NFIC: variants seen among roughly 807,000 people sequenced by gnomAD.
NFIC encodes the protein nuclear factor 1 C-type.
A neutral mutation model predicts 54.4 loss-of-function variants in NFIC; 12 were observed. The ratio of observed to expected loss-of-function variants is 0.22; its 90% CI spans 0.14 to 0.36. NFIC has a LOEUF of 0.36. NFIC is among the 10% of genes least tolerant of loss of function. The probability of loss-of-function intolerance (pLI) is 1.00; values close to 1 mark genes in which losing one functional copy is unlikely to be tolerated. For synonymous variants in NFIC, 322 were observed against 319.2 expected (o/e 1.01, Z -0.09); for missense variants, 575 against 718.2 (o/e 0.80, Z 2.28).
intron 1 of NFIC, among the ~76,000 whole-genome samples, chr19:3,380,801 T>C (rs541846297): frequency 2.0e-5 from 3 of 152,060 alleles, no homozygotes; most frequent in Admixed American, 2.0e-4. Context: ...CTGGCTAATT[T>C]TTGTTTTTTT....
In NFIC at chr19:3,467,633, C is replaced by G. The variant is rs2082732752; in HGVS notation, c.*4864C>G. On this transcript the variant is annotated 3_prime_UTR_variant, in exon 11 of 11. Coordinates refer to ENST00000443272, the MANE Select transcript of NFIC (RefSeq NM_001245002.2). ...CAGACTTGGCTGCACCCCACTGTCCCTTGCAAGACAGGTTCTGGAGCCAGG... is the reference window on the plus strand; with the variant it reads ...CAGACTTGGCTGCACCCCACTGTCCGTTGCAAGACAGGTTCTGGAGCCAGG... The G allele has an allele frequency of 6.6e-6, 1 of 151,180 alleles. No individual in the cohort carries two copies. Among genetic ancestry groups the G allele is most frequent in the South Asian group, 2.1e-4 (1 of 4,786 alleles). 9.4% of individuals were successfully genotyped at this position (151,180 alleles called of 1,614,324 possible).
chr19:3,452,464 T>C lies in NFIC; in HGVS notation c.1085-18T>C. On this transcript the variant is annotated intron_variant, in intron 7 of 10. Coordinates refer to ENST00000443272, the MANE Select transcript of NFIC (RefSeq NM_001245002.2). This position sits in a 1 kb window ranked among gnomAD's most constrained non-coding sequence, Gnocchi z 5.3. ...GCTGGAGCCCCCAAGTAACCCCCGCTTCCCACTGTCTCCGCAGGGATCGCC... is the reference window on the plus strand; with the variant it reads ...GCTGGAGCCCCCAAGTAACCCCCGCCTCCCACTGTCTCCGCAGGGATCGCC... 5 of 1,609,292 alleles carry C rather than the reference T, an allele frequency of 3.1e-6. No individual in the cohort carries two copies. The highest frequency in any genetic ancestry group is 4.2e-6 in the Non-Finnish European group (5 of 1,179,732).
intron 2 of NFIC, among the ~76,000 whole-genome samples, chr19:3,414,095 G>C (rs2081810051): frequency 6.6e-6 from 1 of 152,082 alleles, no homozygotes; most frequent in African/African-American, 2.4e-5. Flanking sequence ...TCAAAGGAAA[G>C]AACTAATGGC....
upstream of NFIC, among the ~76,000 whole-genome samples, chr19:3,365,249 A>G (rs144300774): frequency 3.3e-4 from 50 of 152,276 alleles, no homozygotes; most frequent in African/African-American, 1.2e-3. Context: ...AGAGGGTATC[A>G]TTTGTCCTTG....
chr19:3,452,791 C>T lies in NFIC; in HGVS notation c.1269+125C>T. 1 of 1,184,770 alleles carries T rather than the reference C, an allele frequency of 8.4e-7. No homozygotes were observed. Among genetic ancestry groups the T allele is most frequent in the African/African-American group, 1.6e-5 (1 of 64,296 alleles). The allele number at this position is 1,184,770 out of a possible 1,614,324, so 73.4% of individuals were successfully genotyped here. A position where few individuals can be genotyped will look rare whatever the true frequency, so the allele number is the denominator to read the frequency against. On this transcript the variant is annotated intron_variant, in intron 8 of 10. Transcript: ENST00000443272. The surrounding 1 kb of genome is among the most constrained non-coding windows in gnomAD (Gnocchi z 5.3). Reference sequence around the variant, plus strand: ...TCTTGAGGACTTGGCTCTGAAGTCCCCTCCTCTGTCGTGCTGGGAGGCAGC... The same window carrying T: ...TCTTGAGGACTTGGCTCTGAAGTCCTCTCCTCTGTCGTGCTGGGAGGCAGC...
At position 3,465,421 on chromosome 19, in the gene NFIC, G is replaced by A. The variant is rs1284467638; in HGVS notation, c.*2652G>A. ...AAAAAATAAAATAAAAAATAAGAAA[G>A]TGAGAATCTAAAAAAAAAAAAAAAA... On this transcript the variant is annotated 3_prime_UTR_variant, in exon 11 of 11. Transcript: ENST00000443272. 3 of 91,654 alleles carry A rather than the reference G, an allele frequency of 3.3e-5. No homozygotes were observed. Among genetic ancestry groups the A allele is most frequent in the African/African-American group, 1.6e-4 (3 of 18,922 alleles). The allele number at this position is 91,654 out of a possible 1,614,324, so 5.7% of individuals were successfully genotyped here.
rs562535938 is a variant in NFIC, at chr19:3,413,483, C to G, written c.563-11623C>G. On this transcript the variant is annotated intron_variant, in intron 2 of 10. Transcript: ENST00000443272. Reference sequence around the variant, plus strand: ...GTGTTCTGTGAGTTTGAAGCCATTGCTGTCTAGCTTTGTGCCTCAGTTTCC... The same window carrying G: ...GTGTTCTGTGAGTTTGAAGCCATTGGTGTCTAGCTTTGTGCCTCAGTTTCC... Among the ~76,000 whole-genome samples the G allele has an allele frequency of 3.9e-5, 6 of 152,258 alleles. No individual in the cohort carries two copies. In the East Asian group the frequency reaches 1.2e-3, roughly 29 times the overall value.
At chr19:3,447,298 CAAA>C (rs1178839836) in intron 6 of NFIC, among the ~76,000 whole-genome samples, 10 of 78,048 alleles carry the variant, frequency 1.3e-4, no homozygotes, top group Admixed American at 1.5e-4. Context: ...GACTCTATCT[CAAA>C]AAAAAAAAAA....
chr19:3,416,956 T>C lies in NFIC; in HGVS notation c.563-8150T>C, dbSNP rs2081866565. Among the ~76,000 whole-genome samples, 4 of 150,450 alleles carry C rather than the reference T, an allele frequency of 2.7e-5. No homozygotes were observed. The South Asian group carries it at 6.3e-4, about 24-fold the overall frequency. On this transcript the variant is annotated intron_variant, in intron 2 of 10. Coordinates refer to ENST00000443272, the MANE Select transcript of NFIC (RefSeq NM_001245002.2). ...TGGAGTGCAGTGGCGCGATCTCGGC[T>C]CACTGCAAGCTCCGCCTGCCGGGTT...
rs964908349 is a variant in NFIC, at chr19:3,458,794, G to A, written c.1509+2159G>A. Reference sequence around the variant, plus strand: ...ATAGAAGGGTTTAGAGGGAGGGAGTGGACACCCACCAGGCCTGGGAGTCAG... The same window carrying A: ...ATAGAAGGGTTTAGAGGGAGGGAGTAGACACCCACCAGGCCTGGGAGTCAG... On this transcript the variant is annotated intron_variant, in intron 10 of 10. Transcript: ENST00000443272. The surrounding 1 kb of genome is among the most constrained non-coding windows in gnomAD (Gnocchi z 4.1). Among the ~76,000 whole-genome samples, 21 of 152,084 alleles carry A rather than the reference G, an allele frequency of 1.4e-4. No individual in the cohort carries two copies. Among genetic ancestry groups the A allele is most frequent in the East Asian group, 3.9e-4 (2 of 5,174 alleles).
Position 3,462,788 on chromosome 19 carries a change from G to T in NFIC, c.*19G>T, listed in dbSNP as rs1350200441. The T allele has an allele frequency of 5.6e-6, 9 of 1,613,452 alleles. No homozygotes were observed. Among genetic ancestry groups the T allele is most frequent in the Non-Finnish European group, 7.6e-6 (9 of 1,179,932 alleles). On this transcript the variant is annotated 3_prime_UTR_variant, in exon 11 of 11. Transcript: ENST00000443272. ...GGGATAGCAAAGGTCTTCTTCCCTC[G>T]CCCCTTCTCCATCGTCCCAGGAATC...
In NFIC at chr19:3,459,652, C is replaced by G. The variant is rs1203923745; in HGVS notation, c.1509+3017C>G. 6.6e-6 allele frequency among the ~76,000 whole-genome samples: 1 copy of G among 152,078 alleles called. No homozygotes were observed. Among genetic ancestry groups the G allele is most frequent in the African/African-American group, 2.4e-5 (1 of 41,416 alleles). On this transcript the variant is annotated intron_variant, in intron 10 of 10. Coordinates refer to ENST00000443272, the MANE Select transcript of NFIC (RefSeq NM_001245002.2). The surrounding 1 kb of genome is among the most constrained non-coding windows in gnomAD (Gnocchi z 4.2). The stretch of plus-strand genomic sequence containing the variant: ...CCCCATTGCTGGGGCCACAGCCAGG[C>G]AGGAAGGGGAGGGGAGGGAAGGGAG...
chr19:3,379,907 C>T (rs1425650321), intron 1 of NFIC, among the ~76,000 whole-genome samples: 1 of 152,010 alleles, frequency 6.6e-6, no homozygotes, highest in African/African-American at 2.4e-5. Context: ...GTCTTGAACT[C>T]CTGGGCTCAA....
At chr19:3,393,517 G>C (rs2081408364) in intron 2 of NFIC, among the ~76,000 whole-genome samples, 1 of 151,956 alleles carries the variant, frequency 6.6e-6, no homozygotes, top group African/African-American at 2.4e-5. Context: ...CAGGGGTCCA[G>C]GAGAAATAGA....
intron 7 of NFIC, among the ~76,000 whole-genome samples, chr19:3,451,950 C>G (rs1032362904): frequency 6.6e-6 from 1 of 152,050 alleles, no homozygotes; most frequent in African/African-American, 2.4e-5. Context: ...AACCCCATCT[C>G]TACTAAAAAT....
rs898036499 is a variant in NFIC at position 3,453,564 on chromosome 19, C to T, written c.1270-199C>T. On this transcript the variant is annotated intron_variant, in intron 8 of 10. Coordinates refer to ENST00000443272, the MANE Select transcript of NFIC (RefSeq NM_001245002.2). This position sits in a 1 kb window ranked among gnomAD's most constrained non-coding sequence, Gnocchi z 6.7. ...CAGTAGTGCCGGGCTTTGAGTGACA[C>T]CAGCAAGCGGGTGTCCCCAGGCCCC... 1.1e-4 allele frequency among the ~76,000 whole-genome samples: 17 copies of T among 152,266 alleles called. No individual in the cohort carries two copies. Among genetic ancestry groups the T allele is most frequent in the East Asian group, 5.8e-4 (3 of 5,180 alleles).
chr19:3,394,341 G>T (rs1324169230), intron 2 of NFIC, among the ~76,000 whole-genome samples: 1 of 151,912 alleles, frequency 6.6e-6, no homozygotes, highest in Non-Finnish European at 1.5e-5. Context: ...TTAGCCAGGC[G>T]TGGTGGCGTG....
intron 2 of NFIC, among the ~76,000 whole-genome samples, chr19:3,402,979 A>G (rs2081581027): frequency 6.6e-6 from 1 of 152,146 alleles, no homozygotes; most frequent in African/African-American, 2.4e-5. Flanking sequence ...AAATCTCTTA[A>G]TGTTCCTCAC....
rs917369611 is a variant in NFIC at position 3,458,257 on chromosome 19, C to T, written c.1509+1622C>T. Reference sequence around the variant, plus strand: ...GGCCCCCTATGGCCAACCTCTCCCCCGCCTGGTGCTGATGGAGCCCGGCAT... The same window carrying T: ...GGCCCCCTATGGCCAACCTCTCCCCTGCCTGGTGCTGATGGAGCCCGGCAT... On this transcript the variant is annotated intron_variant, in intron 10 of 10. Transcript: ENST00000443272. This position sits in a 1 kb window ranked among gnomAD's most constrained non-coding sequence, Gnocchi z 4.1. 3.9e-5 allele frequency among the ~76,000 whole-genome samples: 6 copies of T among 152,338 alleles called. No homozygotes were observed. Among genetic ancestry groups the T allele is most frequent in the Non-Finnish European group, 7.4e-5 (5 of 68,024 alleles).
Sources: gnomAD v4.1 joint callset for allele counts (sites outside exome capture counted in the v4.1 genomes callset) on GRCh38, gnomAD v4.1.1 for gene constraint, Gnocchi (gnomAD v3.1) non-coding constraint, MANE v1.5 for transcripts, NCBI Gene and HGNC (gene_info 2026-07-23, HGNC 2026-07-21) for gene names.